The following USP34 variants were observed in gnomAD, a reference collection of about 807,000 sequenced individuals.
The protein encoded by USP34 is ubiquitin carboxyl-terminal hydrolase 34.
USP34 carries 70 observed loss-of-function variants against 460.3 expected under a neutral mutation model. That is an observed-to-expected ratio of 0.15 (90% CI 0.13 to 0.19). The LOEUF is 0.19. USP34 is among the 10% of genes least tolerant of loss of function. The pLI, the probability that USP34 is intolerant of heterozygous loss-of-function variation, is 1.00. For synonymous variants in USP34, 1,647 were observed against 1,405.3 expected (o/e 1.17, Z -3.85); for missense variants, 3,985 against 4,236.2 (o/e 0.94, Z 1.65).
chr2:61,317,865 A>G, intron 22 of USP34, 98 bp from the exon 23 acceptor site: 1 of 800,208 alleles, frequency 1.2e-6, no homozygotes, highest in South Asian at 2.2e-5. Flanking sequence ...CTGTAGAAGG[A>G]AACAGATCAG....
intron 29 of USP34, among the ~76,000 whole-genome samples, chr2:61,298,487 G>T (rs1319781003): frequency 1.7e-5 from 2 of 117,162 alleles, no homozygotes; most frequent in African/African-American, 6.6e-5. Context: ...GCAGTGAGCC[G>T]ATAACTTGTC....
intron 2 of USP34, among the ~76,000 whole-genome samples, chr2:61,406,665 C>G (rs1376810493): frequency 6.6e-6 from 1 of 150,458 alleles, no homozygotes; most frequent in Non-Finnish European, 1.5e-5. Context: ...TCTCTCTCTC[C>G]CCCCCAAGCT....
At chr2:61,451,220 CAAAAAAA>C (rs70963432) in intron 1 of USP34, among the ~76,000 whole-genome samples, 67 of 50,776 alleles carry the variant, frequency 1.3e-3, no homozygotes, top group African/African-American at 3.6e-3. Context: ...GGCTTCATCT[CAAAAAAA>C]AAAAAAAAAA....
chr2:61,206,665 G>A, intron 71 of USP34, 95 bp downstream of exon 71: 1 of 1,470,906 alleles, frequency 6.8e-7, no homozygotes, highest in South Asian at 1.4e-5. Context: ...GCATAAACTA[G>A]GATAAAAACA....
intron 1 of USP34, among the ~76,000 whole-genome samples, chr2:61,436,573 G>A (rs983701557): frequency 2.6e-5 from 4 of 152,116 alleles, no homozygotes; most frequent in African/African-American, 9.7e-5. Context: ...TAGATCTAAC[G>A]GGAGAGACAG....
intron 5 of USP34, among the ~76,000 whole-genome samples, chr2:61,390,867 T>C (rs1458077027): frequency 1.4e-5 from 2 of 145,900 alleles, no homozygotes; most frequent in Non-Finnish European, 3.0e-5. Flanking sequence ...GAGGCTGAGG[T>C]GGGGGCATCG....
At chr2:61,454,270 C>T (rs1293460207) in intron 1 of USP34, among the ~76,000 whole-genome samples, 3 of 151,852 alleles carry the variant, frequency 2.0e-5, no homozygotes, top group Non-Finnish European at 4.4e-5. Flanking sequence ...GGATTACAGG[C>T]GTGTGCCATC....
chr2:61,391,093 C>CAA (rs201594318), intron 5 of USP34, among the ~76,000 whole-genome samples: 4 of 137,508 alleles, frequency 2.9e-5, no homozygotes, highest in Admixed American at 7.4e-5. Flanking sequence ...GACTCCAGCT[C>CAA]AAAAAAAAAA....
chr2:61,299,824 T>C (rs1013822231), intron 29 of USP34, among the ~76,000 whole-genome samples: 1 of 152,170 alleles, frequency 6.6e-6, no homozygotes, highest in African/African-American at 2.4e-5. Flanking sequence ...TTCTAGACTA[T>C]ACCTTTTCCT....
At chr2:61,463,034 G>T (rs962242458) in intron 1 of USP34, among the ~76,000 whole-genome samples, 1 of 151,734 alleles carries the variant, frequency 6.6e-6, no homozygotes, top group Non-Finnish European at 1.5e-5. Context: ...CATCTCCAAA[G>T]GGGGGAAAAA....
intron 41 of USP34, among the ~76,000 whole-genome samples, chr2:61,271,969 C>A (rs571246710): frequency 6.6e-6 from 1 of 152,206 alleles, no homozygotes; most frequent in Non-Finnish European, 1.5e-5. Flanking sequence ...TTTAATACCT[C>A]TACTTGGATA....
intron 72 of USP34, 25 bp downstream of exon 72, chr2:61,205,992 C>T (rs780351401): frequency 8.3e-5 from 128 of 1,546,394 alleles, no homozygotes; most frequent in Non-Finnish European, 1.0e-4. Flanking sequence ...GGTTTTTACA[C>T]GGGTGAATTT....
At chr2:61,300,878 T>C (rs1038738841) in intron 29 of USP34, 73 bp downstream of exon 29, 15 of 992,136 alleles carry the variant, frequency 1.5e-5, no homozygotes, top group African/African-American at 8.2e-5. Flanking sequence ...TTATAAACTA[T>C]ACTTTTATTA....
At chr2:61,392,417 A>G (rs1693377023) in intron 5 of USP34, among the ~76,000 whole-genome samples, 1 of 152,158 alleles carries the variant, frequency 6.6e-6, no homozygotes, top group African/African-American at 2.4e-5. Context: ...GGAGGTCAGG[A>G]GTTCGAGACC....
rs770655557 is a variant in USP34, at chr2:61,348,252, T to C, written c.1903A>G (p.Lys635Glu). 1 of 1,614,108 alleles carries C rather than the reference T, an allele frequency of 6.2e-7. No homozygotes were observed. The highest frequency in any genetic ancestry group is 1.3e-5 in the African/African-American group (1 of 74,944). Residue 635 changes from lysine (K) to glutamate (E), a missense_variant, in exon 15 of 80, where the codon AAA becomes GAA. Physicochemically the swap from Lys to Glu is moderately conservative, Grantham distance 56. Coordinates refer to ENST00000398571, the MANE Select transcript of USP34 (RefSeq NM_014709.4). Reference sequence around the variant, plus strand: ...CGAAGATCTGTACCACAACTGCTTTTGGGAGGATTATGACCATGATCATCG... The same window carrying C: ...CGAAGATCTGTACCACAACTGCTTTCGGGAGGATTATGACCATGATCATCG... ...EDDDHGHNPP[K>E]SSCGTDLRNR... is the part of the protein sequence containing the mutation.
intron 5 of USP34, among the ~76,000 whole-genome samples, chr2:61,389,638 A>T (rs1041266194): frequency 1.8e-4 from 28 of 152,326 alleles, no homozygotes; most frequent in African/African-American, 6.7e-4. Context: ...ACCTAGGATT[A>T]TATCATTATA....
intron 6 of USP34, among the ~76,000 whole-genome samples, chr2:61,381,153 C>G (rs1014056773): frequency 1.3e-5 from 2 of 151,202 alleles, no homozygotes; most frequent in Non-Finnish European, 2.9e-5. Flanking sequence ...CACTATTGTC[C>G]TATGACCCTG....
At chr2:61,190,455 T>A (rs760092196) in intron 77 of USP34, 41 bp from the exon 78 acceptor site, 1 of 1,603,024 alleles carries the variant, frequency 6.2e-7, no homozygotes, top group East Asian at 2.2e-5. Flanking sequence ...AAGACCAGCA[T>A]AATGAAACCA....
At chr2:61,272,337 G>A (rs1469713594) in intron 41 of USP34, among the ~76,000 whole-genome samples, 1 of 151,450 alleles carries the variant, frequency 6.6e-6, no homozygotes, top group African/African-American at 2.4e-5. Context: ...TGTGAACCTG[G>A]GAGGCAGAGC....
Sources: gnomAD v4.1 joint callset for allele counts (sites outside exome capture counted in the v4.1 genomes callset) on GRCh38, gnomAD v4.1.1 for gene constraint, MANE v1.5 for transcripts, NCBI Gene and HGNC (gene_info 2026-07-23, HGNC 2026-07-21) for gene names.